Variants in AKR1C3 observed in about 807,000 individuals in gnomAD.
The protein encoded by AKR1C3 is 3-alpha hydroxysteroid dehydrogenase, type II.
Under a neutral mutation model 43.6 loss-of-function variants are expected in AKR1C3, and 48 were observed. The observed-to-expected ratio is 1.10, with a 90% confidence interval of 0.87 to 1.40. The LOEUF (loss-of-function observed/expected upper bound fraction) is 1.40, where lower values mean the gene tolerates loss of function less well. Among genes scored for constraint, AKR1C3 ranks in the 40% most tolerant of loss-of-function variants. AKR1C3 has a pLI of 0.00. For synonymous variants in AKR1C3, 162 were observed against 139.6 expected (o/e 1.16, Z -1.13); for missense variants, 482 against 391.2 (o/e 1.23, Z -1.96).
chr10:5,094,369 GT>G, upstream of AKR1C3: 2 of 851,950 alleles, frequency 2.3e-6, no homozygotes, highest in Admixed American at 4.3e-5. Context: ...GGGGGGAGGG[GT>G]TTCCTGCCCA....
chr10:5,061,743 C>A (rs577880438), intron 1 of AKR1C3, among the ~76,000 whole-genome samples: 1 of 152,236 alleles, frequency 6.6e-6, no homozygotes, highest in African/African-American at 2.4e-5. Context: ...ATCAGATTCC[C>A]CTAACTACCA....
chr10:5,049,489 CG>C (rs1838108152), intron 1 of AKR1C3, among the ~76,000 whole-genome samples: 1 of 152,146 alleles, frequency 6.6e-6, no homozygotes, highest in South Asian at 2.1e-4. Flanking sequence ...AAAGAAAAAA[CG>C]ACTAGAACCT....
intron 1 of AKR1C3, among the ~76,000 whole-genome samples, chr10:5,049,932 G>A (rs573995023): frequency 4.2e-4 from 64 of 152,336 alleles, no homozygotes; most frequent in Admixed American, 9.8e-4. Context: ...TTCCAGAGCA[G>A]TCGACATCAT....
At chr10:5,085,851 G>C (rs1485185602) in intron 1 of AKR1C3, among the ~76,000 whole-genome samples, 1 of 151,862 alleles carries the variant, frequency 6.6e-6, no homozygotes, top group Non-Finnish European at 1.5e-5. Context: ...AGATTTTCTA[G>C]TTTATTTGCA....
At chr10:5,056,478 T>G (rs1450863604) in intron 1 of AKR1C3, among the ~76,000 whole-genome samples, 1 of 152,204 alleles carries the variant, frequency 6.6e-6, no homozygotes, top group African/African-American at 2.4e-5. Flanking sequence ...ACTCCTAGAA[T>G]TGGGGTGTTG....
At chr10:5,102,258 AT>A in intron 6 of AKR1C3, 48 bp downstream of exon 6, 1 of 1,592,176 alleles carries the variant, frequency 6.3e-7, no homozygotes, top group Non-Finnish European at 8.6e-7. Flanking sequence ...TTTGCAGAAA[AT>A]TTTTTAGTCA....
intron 1 of AKR1C3, among the ~76,000 whole-genome samples, chr10:5,054,308 A>C (rs1838215612): frequency 6.6e-6 from 1 of 152,222 alleles, no homozygotes; most frequent in Admixed American, 6.5e-5. Context: ...TAGGATAATG[A>C]AGTAGATAAA....
chr10:5,082,558 T>C (rs1752736315), intron 1 of AKR1C3, among the ~76,000 whole-genome samples: 1 of 152,144 alleles, frequency 6.6e-6, no homozygotes, highest in South Asian at 2.1e-4. Flanking sequence ...TTTTTTGCTT[T>C]TAAGTATGTT....
Position 5,099,388 on chromosome 10 carries a change from G to A in AKR1C3, c.509G>A (p.Arg170His), listed in dbSNP as rs782156465. Residue 170 changes from arginine to histidine, a missense_variant, in exon 5 of 9, where the codon CGC (arginine) becomes CAC (histidine). Arg to His is a conservative substitution (Grantham distance 29). Transcript: ENST00000380554. ...TCCATTGGGGTGTCAAACTTCAACC[G>A]CAGGCAGCTGGAGATGATCCTCAAC... ...AKSIGVSNFN[R>H]RQLEMILNKP... 1.2e-5 allele frequency: 19 copies of A among 1,614,024 alleles called. No individual in the cohort carries two copies. Among genetic ancestry groups the A allele is most frequent in the South Asian group, 5.5e-5 (5 of 91,078 alleles).
rs370712356 is a variant in AKR1C3, at chr10:5,105,643, C to A, written c.895C>A (p.Leu299Ile). 2.2e-4 allele frequency: 349 copies of A among 1,613,926 alleles called. 2 individuals carry two copies. In the South Asian group the frequency reaches 2.2e-3, roughly 10 times the overall value. ...TAEDMKAIDG[L>I]DRNLHYFNSD... Reference sequence around the variant, plus strand: ...AGAGGACATGAAAGCCATAGATGGCCTAGACAGAAATCTCCACTATTTTAA... The same window carrying A: ...AGAGGACATGAAAGCCATAGATGGCATAGACAGAAATCTCCACTATTTTAA... The change falls in exon 8 of 9, where the codon CTA (leucine) becomes ATA (isoleucine). Residue 299 changes from leucine to isoleucine, a missense_variant. Physicochemically the swap from Leu to Ile is conservative, Grantham distance 5 (BLOSUM62 2). Transcript: ENST00000380554.
intron 1 of AKR1C3, among the ~76,000 whole-genome samples, chr10:5,057,267 C>T (rs1838280462): frequency 6.6e-6 from 1 of 152,212 alleles, no homozygotes; most frequent in African/African-American, 2.4e-5. Context: ...GCTCCATTTT[C>T]TGTCCTCTCT....
rs560413182 is a variant in AKR1C3, at chr10:5,096,386, T to TA, written c.85-23dup. On this transcript the variant is annotated intron_variant, in intron 1 of 8. Transcript: ENST00000380554. ...CCTCTCAGCCACAGTGATCACCAGATACTACCTTTGGTTGCTCCTCCAGGT... is the reference window on the plus strand; with the variant it reads ...CCTCTCAGCCACAGTGATCACCAGATAACTACCTTTGGTTGCTCCTCCAGGT... 4.1e-5 allele frequency: 66 copies of TA among 1,609,512 alleles called. No individual in the cohort carries two copies. The African/African-American group carries it at 6.1e-4, about 15-fold the overall frequency.
chr10:5,093,502 C>T (rs1397121639), upstream of AKR1C3: 1 of 151,982 alleles, frequency 6.6e-6, no homozygotes, highest in Non-Finnish European at 1.5e-5. Flanking sequence ...TCTAATCTGC[C>T]CTCCAAAGGA....
intron 1 of AKR1C3, chr10:5,081,808 C>T (rs1423478552): frequency 1.3e-5 from 2 of 152,196 alleles, no homozygotes; most frequent in Non-Finnish European, 2.9e-5. Context: ...TAATGTGGTA[C>T]CATTCATCCT....
intron 1 of AKR1C3, among the ~76,000 whole-genome samples, chr10:5,055,072 T>C (rs539643382): frequency 6.6e-6 from 1 of 152,376 alleles, no homozygotes. Context: ...CTTTTTCCCT[T>C]TCCCAGTTCT....
chr10:5,099,435 C>G lies in AKR1C3; in HGVS notation c.556C>G (p.Pro186Ala), dbSNP rs782429466. The change falls in exon 5 of 9, where the codon CCT becomes GCT. Residue 186 changes from proline to alanine, a missense_variant. Physicochemically the swap from Pro to Ala is conservative, Grantham distance 27 (BLOSUM62 -1). Transcript: ENST00000380554. ...ILNKPGLKYKPVCNQVECHPY... is the reference protein window; with the variant it reads ...ILNKPGLKYKAVCNQVECHPY... ...CAACAAGCCAGGACTCAAGTACAAGCCTGTCTGCAACCAGGTGAGCTCCCT... is the reference window on the plus strand; with the variant it reads ...CAACAAGCCAGGACTCAAGTACAAGGCTGTCTGCAACCAGGTGAGCTCCCT... The G allele has an allele frequency of 4.3e-6, 7 of 1,614,078 alleles. No homozygotes were observed. The African/African-American group carries it at 8.0e-5, about 18-fold the overall frequency.
intron 1 of AKR1C3, among the ~76,000 whole-genome samples, chr10:5,083,881 G>C (rs2131820968): frequency 6.6e-6 from 1 of 152,258 alleles, no homozygotes; most frequent in Non-Finnish European, 1.5e-5. Flanking sequence ...GTCTTCTTTT[G>C]AGAAGTGTCT....
chr10:5,055,324 C>T (rs536100403), intron 1 of AKR1C3, among the ~76,000 whole-genome samples: 1 of 152,304 alleles, frequency 6.6e-6, no homozygotes, highest in East Asian at 1.9e-4. Context: ...CAATTGGTTC[C>T]CCATCCTCTG....
In AKR1C3 at chr10:5,057,033, C is replaced by G. The variant is rs141952408; in HGVS notation, c.84+8138C>G. 2.0e-5 allele frequency among the ~76,000 whole-genome samples: 3 copies of G among 152,332 alleles called. No individual in the cohort carries two copies. In the East Asian group the frequency reaches 5.8e-4, roughly 29 times the overall value. On this transcript the variant is annotated intron_variant, in intron 1 of 8. Transcript: ENST00000439082. ...ACCCGGGGCTCAGTGAGGGTGAAGACATGAGCTGACGCTTGCCCTGGGTAC... is the reference window on the plus strand; with the variant it reads ...ACCCGGGGCTCAGTGAGGGTGAAGAGATGAGCTGACGCTTGCCCTGGGTAC...
Sources: allele counts gnomAD v4.1 joint callset (sites outside exome capture counted in the v4.1 genomes callset), GRCh38; gene constraint gnomAD v4.1.1; transcripts MANE v1.5; gene names NCBI Gene and HGNC (gene_info 2026-07-23, HGNC 2026-07-21).